DPP6: variants seen among roughly 807,000 people sequenced by gnomAD.
DPP6 encodes the protein dipeptidyl peptidase like 6.
DPP6 carries 69 observed loss-of-function variants against 122.6 expected under a neutral mutation model. That is an observed-to-expected ratio of 0.56 (90% confidence interval 0.46 to 0.69). DPP6 has a LOEUF of 0.69. DPP6 is among the 30% of genes least tolerant of loss of function. The probability of loss-of-function intolerance (pLI) is 0.00; values close to 1 mark genes in which losing one functional copy is unlikely to be tolerated. For missense variants in DPP6, 928 were observed against 1,116.9 expected, an observed-to-expected ratio of 0.83 and a Z score of 2.41; for synonymous variants, 418 against 433.1, an observed-to-expected ratio of 0.97 and a Z score of 0.43.
intron 4 of DPP6, among the ~76,000 whole-genome samples, chr7:154,553,298 G>A (rs1025624022): frequency 2.0e-5 from 3 of 152,182 alleles, no homozygotes; most frequent in Non-Finnish European, 4.4e-5. Context: ...TTAAACAATA[G>A]TCTATGTTGT....
intron 5 of DPP6, among the ~76,000 whole-genome samples, chr7:154,577,276 G>T (rs1159212773): frequency 1.3e-5 from 2 of 152,212 alleles, no homozygotes; most frequent in South Asian, 2.1e-4. Context: ...AACATGGGAG[G>T]GTGGGATTAG....
intron 16 of DPP6, among the ~76,000 whole-genome samples, chr7:154,841,367 C>T (rs960325943): frequency 3.3e-5 from 5 of 150,694 alleles, no homozygotes; most frequent in East Asian, 3.9e-4. Context: ...GCCTTTGCCC[C>T]CCTGCAGGCT....
intron 23 of DPP6, among the ~76,000 whole-genome samples, chr7:154,888,094 T>C (rs1806311962): frequency 6.7e-6 from 1 of 149,396 alleles, no homozygotes; most frequent in African/African-American, 2.5e-5. Context: ...GAGCTTTTTT[T>C]TTTTTTTTTT....
At chr7:154,168,287 A>G (rs1237020471) in intron 1 of DPP6, among the ~76,000 whole-genome samples, 1 of 152,200 alleles carries the variant, frequency 6.6e-6, no homozygotes, top group Non-Finnish European at 1.5e-5. Context: ...CGGGATCAAT[A>G]AAGTAAATGA....
intron 1 of DPP6, among the ~76,000 whole-genome samples, chr7:154,294,257 G>C (rs1563427512): frequency 1.3e-5 from 2 of 152,130 alleles, no homozygotes; most frequent in Non-Finnish European, 2.9e-5. Context: ...CATTTGCACG[G>C]GGCACTAAAG....
At chr7:153,867,005 C>T in the DPP6 span, among the ~76,000 whole-genome samples, 4 of 152,094 alleles carry the variant, frequency 2.6e-5, no homozygotes, top group South Asian at 2.1e-4. Flanking sequence ...TTCCATTGGT[C>T]GATATCTCTG....
intron 5 of DPP6, among the ~76,000 whole-genome samples, chr7:154,597,510 G>A (rs142861644): frequency 0.026 from 3,969 of 152,116 alleles, 182 homozygotes; most frequent in African/African-American, 0.091. Flanking sequence ...CTACTCAGGA[G>A]GCTGAGGCAG....
intron 3 of DPP6, among the ~76,000 whole-genome samples, chr7:154,502,242 A>C (rs940489843): frequency 6.6e-6 from 1 of 152,146 alleles, no homozygotes; most frequent in Admixed American, 6.5e-5. Context: ...TGGACTGTGG[A>C]CTTTGGAGTT....
intron 1 of DPP6, among the ~76,000 whole-genome samples, chr7:154,301,855 T>C (rs1277646081): frequency 7.8e-6 from 1 of 128,326 alleles, no homozygotes; most frequent in Non-Finnish European, 1.5e-5. Flanking sequence ...CCCAGCTCTG[T>C]CACCCAGGCT....
intron 1 of DPP6, among the ~76,000 whole-genome samples, chr7:154,398,862 G>T (rs962806696): frequency 9.2e-5 from 14 of 152,126 alleles, no homozygotes; most frequent in African/African-American, 3.1e-4. Flanking sequence ...CACACTGAAG[G>T]TCATTTCCAT....
intron 1 of DPP6, among the ~76,000 whole-genome samples, chr7:153,934,863 T>C (rs534317301): frequency 6.6e-6 from 1 of 152,308 alleles, no homozygotes; most frequent in African/African-American, 2.4e-5. Context: ...CCAGGATGGA[T>C]CCTGGTCTGC....
At chr7:154,121,901 CT>C (rs1290758194) in intron 1 of DPP6, among the ~76,000 whole-genome samples, 1 of 152,174 alleles carries the variant, frequency 6.6e-6, no homozygotes, top group Non-Finnish European at 1.5e-5. Context: ...CCCAGTTCAA[CT>C]ATAATATATA....
intron 8 of DPP6, among the ~76,000 whole-genome samples, chr7:154,729,166 G>A (rs1314549898): frequency 3.9e-5 from 6 of 152,302 alleles, no homozygotes; most frequent in East Asian, 1.9e-4. Flanking sequence ...TACAGTAACC[G>A]TATGCTTTCC....
chr7:154,176,076 T>C (rs900710119), intron 1 of DPP6, among the ~76,000 whole-genome samples: 5 of 152,158 alleles, frequency 3.3e-5, no homozygotes, highest in African/African-American at 9.7e-5. Context: ...ATATTTTGTG[T>C]TCATGGAATA....
chr7:154,478,733 A>C lies in DPP6; in HGVS notation c.457+3696A>C, dbSNP rs1460302624. Among the ~76,000 whole-genome samples the C allele has an allele frequency of 3.3e-5, 5 of 152,296 alleles. No individual in the cohort carries two copies. In the East Asian group the frequency reaches 9.7e-4, roughly 29 times the overall value. ...TTATAAACTACCCTATTCTGGATAA[A>C]ATTCAGGTCTCCTGCCAATTTCTTT... is the stretch of plus-strand genomic sequence containing the variant. On this transcript the variant is annotated intron_variant, in intron 3 of 25. Transcript: ENST00000377770.
intron 6 of DPP6, among the ~76,000 whole-genome samples, chr7:154,652,958 C>T (rs929266828): frequency 2.0e-5 from 3 of 152,152 alleles, no homozygotes; most frequent in Non-Finnish European, 2.9e-5. Flanking sequence ...GAACTGGCTC[C>T]GTTCACGTCC....
chr7:154,097,693 T>C lies in DPP6; in HGVS notation c.243+44630T>C, dbSNP rs540479361. On this transcript the variant is annotated intron_variant, in intron 1 of 25. Transcript: ENST00000377770. Reference sequence around the variant, plus strand: ...AGCAGGGATCTGGGAGCAGACTGGCTGGTACTCTGGCTCAGGCCTTCCAGG... The same window carrying C: ...AGCAGGGATCTGGGAGCAGACTGGCCGGTACTCTGGCTCAGGCCTTCCAGG... Among the ~76,000 whole-genome samples, 3 of 152,376 alleles carry C rather than the reference T, an allele frequency of 2.0e-5. 1 individual carries two copies. The highest frequency in any genetic ancestry group is 2.0e-4 in the Admixed American group (3 of 15,308).
At chr7:153,861,628 A>G in the DPP6 span, among the ~76,000 whole-genome samples, 1 of 152,186 alleles carries the variant, frequency 6.6e-6, no homozygotes, top group Non-Finnish European at 1.5e-5. Context: ...CAATTTTTGG[A>G]AAGATATGAG....
the DPP6 span, among the ~76,000 whole-genome samples, chr7:153,858,640 C>T: frequency 6.6e-6 from 1 of 152,220 alleles, no homozygotes; most frequent in Non-Finnish European, 1.5e-5. Context: ...TTTCAGCTTA[C>T]TGTGTGAGCA....
Sources: allele counts gnomAD v4.1 joint callset (sites outside exome capture counted in the v4.1 genomes callset), GRCh38; gene constraint gnomAD v4.1.1; transcripts MANE v1.5; gene names NCBI Gene and HGNC (gene_info 2026-07-23, HGNC 2026-07-21).